Variants in MTR observed in about 807,000 individuals in gnomAD.
The protein encoded by MTR is 5-methyltetrahydrofolate-homocysteine methyltransferase.
MTR carries 84 observed loss-of-function variants against 154.8 expected under a neutral mutation model. The ratio of observed to expected loss-of-function variants is 0.54; its 90% CI spans 0.45 to 0.65. The LOEUF (loss-of-function observed/expected upper bound fraction) is 0.65, where lower values mean the gene tolerates loss of function less well. Ranked by LOEUF, MTR falls within the 30% of genes least tolerant of loss-of-function variation. MTR has a pLI of 0.00. For synonymous variants in MTR, 554 were observed against 553.9 expected (o/e 1.00, Z 0.00); for missense variants, 1,275 against 1,570.2 (o/e 0.81, Z 3.18).
At chr1:236,804,863 CTG>C (rs1173904200) in intron 2 of MTR, among the ~76,000 whole-genome samples, 2 of 151,308 alleles carry the variant, frequency 1.3e-5, no homozygotes, top group Admixed American at 6.6e-5. Context: ...TCATAGTACT[CTG>C]TGTATGTTTT....
In MTR at chr1:236,861,253, A is replaced by T. The variant is rs1489923088; in HGVS notation, c.2172A>T (p.Gly724=). ...NGMKIVGDLF[G]AGKMFLPQVI... ...TGAAAATTGTTGGTGATCTTTTTGG[A>T]GCTGGAAAAATGTTTCTACCTCAGG... Residue 724 remains glycine, a synonymous_variant, in exon 20 of 33, where the codon GGA becomes GGT. Coordinates refer to ENST00000366577, the MANE Select transcript of MTR (RefSeq NM_000254.3). The T allele has an allele frequency of 6.2e-7, 1 of 1,613,740 alleles. No individual in the cohort carries two copies. The highest frequency in any genetic ancestry group is 8.5e-7 in the Non-Finnish European group (1 of 1,179,918).
At chr1:236,846,377 T>C (rs1252501044) in intron 15 of MTR, among the ~76,000 whole-genome samples, 1 of 148,514 alleles carries the variant, frequency 6.7e-6, no homozygotes, top group African/African-American at 2.4e-5. Flanking sequence ...AATATAATTA[T>C]CACATAATAG....
At chr1:236,869,383 G>A (rs750907209) in intron 22 of MTR, among the ~76,000 whole-genome samples, 1 of 152,022 alleles carries the variant, frequency 6.6e-6, no homozygotes, top group Non-Finnish European at 1.5e-5. Flanking sequence ...TTTTTGTAGA[G>A]ACAAAGTCTC....
At chr1:236,828,226 C>G (rs1558291747) in intron 11 of MTR, among the ~76,000 whole-genome samples, 1 of 152,202 alleles carries the variant, frequency 6.6e-6, no homozygotes. Context: ...GTCCGCTCAC[C>G]TTGGCCTCCC....
chr1:236,861,035 A>G, intron 19 of MTR, 90 bp from the exon 20 acceptor site: 1 of 1,170,992 alleles, frequency 8.5e-7, no homozygotes, highest in Non-Finnish European at 1.2e-6. Context: ...AGGCATTTTC[A>G]TGATGGCTCT....
At chr1:236,810,908 AG>A (rs1197332302) in intron 5 of MTR, among the ~76,000 whole-genome samples, 1 of 152,238 alleles carries the variant, frequency 6.6e-6, no homozygotes, top group African/African-American at 2.4e-5. Flanking sequence ...TTTGGATACT[AG>A]GTTTGTGGTC....
intron 11 of MTR, among the ~76,000 whole-genome samples, chr1:236,827,599 TTC>T (rs1232708511): frequency 6.6e-6 from 1 of 152,166 alleles, no homozygotes; most frequent in Non-Finnish European, 1.5e-5. Flanking sequence ...CTCCATTAGA[TTC>T]TCTCATGGAG....
intron 22 of MTR, among the ~76,000 whole-genome samples, chr1:236,867,450 T>G (rs998934123): frequency 1.3e-5 from 2 of 152,164 alleles, no homozygotes; most frequent in Non-Finnish European, 2.9e-5. Flanking sequence ...TCACAAGAAT[T>G]CTGATAGAGA....
rs760490684 is a variant in MTR at position 236,852,532 on chromosome 1, T to A, written c.1707T>A (p.Pro569=). Residue 569 remains proline (P), a synonymous_variant, in exon 17 of 33, where the codon CCT becomes CCA. Coordinates refer to ENST00000366577, the MANE Select transcript of MTR (RefSeq NM_000254.3). Reference sequence around the variant, plus strand: ...AAAATTTTTGCCAGGAAACATTACCTGGAGCCAGAATAAGTGGAGGTCTTT... The same window carrying A: ...AAAATTTTTGCCAGGAAACATTACCAGGAGCCAGAATAAGTGGAGGTCTTT... ...HATKVIKETL[P]GARISGGLSN... 1.6e-5 allele frequency: 26 copies of A among 1,613,990 alleles called. No individual in the cohort carries two copies. The highest frequency in any genetic ancestry group is 2.1e-5 in the Non-Finnish European group (25 of 1,179,892).
intron 15 of MTR, among the ~76,000 whole-genome samples, chr1:236,847,380 C>T (rs1558307254): frequency 2.0e-5 from 3 of 152,214 alleles, no homozygotes; most frequent in Admixed American, 2.0e-4. Context: ...CCTTCTCTTC[C>T]TCACAGTGTC....
Position 236,898,033 on chromosome 1 carries a change from C to G in MTR, c.*389C>G, listed in dbSNP as rs1428851405. 4.0e-6 allele frequency: 1 copy of G among 250,570 alleles called. No homozygotes were observed. The highest frequency in any genetic ancestry group is 1.1e-4 in the East Asian group (1 of 8,866). 15.5% of individuals were successfully genotyped at this position (250,570 alleles called of 1,614,324 possible). On this transcript the variant is annotated 3_prime_UTR_variant, in exon 33 of 33. Coordinates refer to ENST00000366577, the MANE Select transcript of MTR (RefSeq NM_000254.3). ...TTCCTCTTAGAAGAAAAGCCTGAAA[C>G]TGAGTTGAATAGAGAAGTGTGACCC...
intron 22 of MTR, among the ~76,000 whole-genome samples, chr1:236,872,527 C>T (rs1665193485): frequency 6.6e-6 from 1 of 152,040 alleles, no homozygotes; most frequent in Admixed American, 6.6e-5. Flanking sequence ...TTTTATTGGC[C>T]TAAATAGATA....
At chr1:236,821,911 C>T (rs1572212698) in intron 8 of MTR, among the ~76,000 whole-genome samples, 1 of 152,132 alleles carries the variant, frequency 6.6e-6, no homozygotes, top group Non-Finnish European at 1.5e-5. Flanking sequence ...TTTCATTAAT[C>T]TATTTGTCTC....
At chr1:236,823,458 A>G (rs1040035155) in intron 8 of MTR, among the ~76,000 whole-genome samples, 2 of 152,238 alleles carry the variant, frequency 1.3e-5, no homozygotes, top group Non-Finnish European at 2.9e-5. Context: ...TTCAGATTTC[A>G]AGGATTTTCC....
At chr1:236,889,741 C>T (rs1171961272) in intron 28 of MTR, among the ~76,000 whole-genome samples, 3 of 152,018 alleles carry the variant, frequency 2.0e-5, no homozygotes, top group Non-Finnish European at 2.9e-5. Context: ...AGGTGGTGTT[C>T]GAACTGTTTT....
chr1:236,889,558 T>G (rs999258432), intron 28 of MTR, among the ~76,000 whole-genome samples: 5 of 152,220 alleles, frequency 3.3e-5, no homozygotes, highest in African/African-American at 1.2e-4. Context: ...AATAAATGTT[T>G]ATTGACATCA....
In MTR at chr1:236,810,523, G is replaced by T. The variant is rs777573171; in HGVS notation, c.430G>T (p.Gly144Trp). ...LQTGIKRFVA[G>W]ALGPTNKTLS... ...CAAAGGAATTAAGAGGTTTGTGGCA[G>T]GGGCTCTGGGTCCGACTAATAAGAC... The change falls in exon 5 of 33, where the codon GGG (glycine) becomes TGG (tryptophan). Residue 144 changes from glycine (G) to tryptophan (W), a missense_variant. Physicochemically the swap from Gly to Trp is radical, Grantham distance 184. Transcript: ENST00000366577. The T allele has an allele frequency of 6.2e-7, 1 of 1,613,662 alleles. No individual in the cohort carries two copies. Among genetic ancestry groups the T allele is most frequent in the African/African-American group, 1.3e-5 (1 of 74,884 alleles).
chr1:236,878,487 A>G (rs964453477), intron 24 of MTR, among the ~76,000 whole-genome samples: 2 of 152,130 alleles, frequency 1.3e-5, no homozygotes, highest in Admixed American at 1.3e-4. Flanking sequence ...CCCCCAAGAT[A>G]CTCGAAATGA....
At chr1:236,819,835 C>G in intron 8 of MTR, 2 of 765,440 alleles carry the variant, frequency 2.6e-6, no homozygotes, top group Non-Finnish European at 4.8e-6. Context: ...GCCATTGTTG[C>G]CATTAAAAAC....
Sources: gnomAD v4.1 joint callset for allele counts (sites outside exome capture counted in the v4.1 genomes callset) on GRCh38, gnomAD v4.1.1 for gene constraint, MANE v1.5 for transcripts, NCBI Gene and HGNC (gene_info 2026-07-23, HGNC 2026-07-21) for gene names.